Variants in FRMD3 observed in about 807,000 individuals in gnomAD.
FRMD3 encodes the protein FERM domain containing 3.
Under a neutral mutation model 70.2 loss-of-function variants are expected in FRMD3, and 33 were observed. That is an observed-to-expected ratio of 0.47 (90% CI 0.36 to 0.63). The LOEUF (loss-of-function observed/expected upper bound fraction) is 0.63. Among genes scored for constraint, FRMD3 ranks in the 20% least tolerant of loss-of-function variants. FRMD3 has a pLI of 0.00. For synonymous variants in FRMD3, 279 were observed against 255.9 expected (o/e 1.09, Z -0.86); for missense variants, 632 against 711.4 (o/e 0.89, Z 1.27).
the FRMD3 span, among the ~76,000 whole-genome samples, chr9:83,566,519 T>G: frequency 6.6e-6 from 1 of 152,116 alleles, no homozygotes; most frequent in Admixed American, 6.5e-5. Flanking sequence ...CAGAAGTCCA[T>G]AGTCCAAAGT....
intron 5 of FRMD3, among the ~76,000 whole-genome samples, chr9:83,338,965 C>A (rs1184564421): frequency 6.6e-6 from 1 of 152,120 alleles, no homozygotes; most frequent in Admixed American, 6.6e-5. Context: ...TGGACGATCC[C>A]AGTGCTTCCA....
intron 13 of FRMD3, among the ~76,000 whole-genome samples, chr9:83,258,943 A>G (rs1832854735): frequency 6.6e-6 from 1 of 152,006 alleles, no homozygotes; most frequent in African/African-American, 2.4e-5. Context: ...CTGGCATCCA[A>G]CTATGGAATG....
At chr9:83,250,601 G>A (rs1832359731) in intron 13 of FRMD3, among the ~76,000 whole-genome samples, 1 of 152,176 alleles carries the variant, frequency 6.6e-6, no homozygotes, top group African/African-American at 2.4e-5. Flanking sequence ...GCTTGAGGTG[G>A]GTCTAAGTTC....
intron 13 of FRMD3, among the ~76,000 whole-genome samples, chr9:83,284,391 CA>C (rs1442964853): frequency 6.6e-6 from 1 of 152,128 alleles, no homozygotes; most frequent in Non-Finnish European, 1.5e-5. Flanking sequence ...GGGCAGATCA[CA>C]AGGGGAAGAG....
intron 1 of FRMD3, among the ~76,000 whole-genome samples, chr9:83,535,832 A>G (rs1829881387): frequency 6.6e-6 from 1 of 152,194 alleles, no homozygotes; most frequent in South Asian, 2.1e-4. Context: ...AATATATACA[A>G]TCCTTTAACT....
chr9:83,471,487 T>C (rs915205792), intron 1 of FRMD3, among the ~76,000 whole-genome samples: 1 of 152,040 alleles, frequency 6.6e-6, no homozygotes, highest in Non-Finnish European at 1.5e-5. Flanking sequence ...CAGTTGCAGG[T>C]CAGTGAGGGT....
At chr9:83,518,669 G>A (rs1476890018) in intron 1 of FRMD3, among the ~76,000 whole-genome samples, 1 of 151,830 alleles carries the variant, frequency 6.6e-6, no homozygotes, top group Non-Finnish European at 1.5e-5. Context: ...CAAAAAAAGA[G>A]CCTGCATAGT....
In FRMD3 at chr9:83,460,950, A is replaced by C. The variant is rs544839044; in HGVS notation, c.148-71242T>G. Among the ~76,000 whole-genome samples the C allele has an allele frequency of 7.0e-3, 1,059 of 152,194 alleles. 12 individuals carry two copies. The highest frequency in any genetic ancestry group is 0.024 in the African/African-American group (998 of 41,536). ...CTGAGGAGGCAGCAGGAAAAAAAAA[A>C]ACAGCCCCTGAGCTCTTGGAGTGTA... On this transcript the variant is annotated intron_variant, in intron 1 of 13. Transcript: ENST00000304195.
intron 1 of FRMD3, among the ~76,000 whole-genome samples, chr9:83,395,959 A>C (rs1326468756): frequency 6.6e-6 from 1 of 152,224 alleles, no homozygotes. Flanking sequence ...CATAGTAATA[A>C]GAACTACTAT....
At chr9:83,302,341 T>C (rs113041154) in intron 10 of FRMD3, among the ~76,000 whole-genome samples, 2 of 152,178 alleles carry the variant, frequency 1.3e-5, no homozygotes, top group African/African-American at 4.8e-5. Context: ...AGAAACTCTG[T>C]ACCCCCAAAT....
At chr9:83,260,640 G>A (rs192727444) in intron 13 of FRMD3, among the ~76,000 whole-genome samples, 5 of 152,234 alleles carry the variant, frequency 3.3e-5, no homozygotes, top group Admixed American at 3.3e-4. Context: ...TGGTATCATA[G>A]CCACGATAGA....
intron 1 of FRMD3, among the ~76,000 whole-genome samples, chr9:83,416,574 G>A (rs1826447925): frequency 6.6e-6 from 1 of 152,174 alleles, no homozygotes; most frequent in Non-Finnish European, 1.5e-5. Context: ...GCACCTAATA[G>A]GCTAAATGTA....
At chr9:83,545,071 T>C in the FRMD3 span, among the ~76,000 whole-genome samples, 1 of 151,842 alleles carries the variant, frequency 6.6e-6, no homozygotes, top group Non-Finnish European at 1.5e-5. Context: ...GAATTAAAAA[T>C]ATAGATTGTA....
intron 6 of FRMD3, among the ~76,000 whole-genome samples, chr9:83,327,294 T>C (rs149340331): frequency 1.8e-3 from 267 of 152,342 alleles, no homozygotes; most frequent in African/African-American, 6.3e-3. Context: ...AGATTTAGCT[T>C]TGTTGGAATA....
intron 12 of FRMD3, chr9:83,297,949 G>A: frequency 4.6e-6 from 2 of 430,446 alleles, no homozygotes; most frequent in South Asian, 3.4e-5. Context: ...CAACCCCAAG[G>A]GACAGGGTGG....
the FRMD3 span, among the ~76,000 whole-genome samples, chr9:83,550,687 AGTGTGTGTGTGT>A: frequency 2.5e-4 from 35 of 138,958 alleles, no homozygotes; most frequent in African/African-American, 7.3e-4. Context: ...AGTCCTAGGT[AGTGTGTGTGTGT>A]GTGTGTGTGT....
At chr9:83,327,266 T>G (rs1469006703) in intron 6 of FRMD3, among the ~76,000 whole-genome samples, 1 of 152,216 alleles carries the variant, frequency 6.6e-6, no homozygotes, top group African/African-American at 2.4e-5. Flanking sequence ...TTGCTGCAAC[T>G]TGGTTGCAAC....
At chr9:83,393,314 A>G (rs183790361) in intron 1 of FRMD3, among the ~76,000 whole-genome samples, 5 of 152,300 alleles carry the variant, frequency 3.3e-5, no homozygotes, top group East Asian at 3.9e-4. Flanking sequence ...CTATAAGCCA[A>G]TGCTAGCCAA....
chr9:83,477,950 C>A (rs1260435505), intron 1 of FRMD3, among the ~76,000 whole-genome samples: 1 of 152,160 alleles, frequency 6.6e-6, no homozygotes, highest in Admixed American at 6.5e-5. Flanking sequence ...CAGACTCTCA[C>A]CTCCTTACAG....
Sources: allele counts gnomAD v4.1 joint callset (sites outside exome capture counted in the v4.1 genomes callset), GRCh38; gene constraint gnomAD v4.1.1; transcripts MANE v1.5; gene names NCBI Gene and HGNC (gene_info 2026-07-23, HGNC 2026-07-21).